CDH18: variants seen among roughly 807,000 people sequenced by gnomAD.
The protein encoded by CDH18 is cadherin 18, also known as cadherin-18.
A neutral mutation model predicts 67.9 loss-of-function variants in CDH18; 31 were observed. The ratio of observed to expected loss-of-function variants is 0.46; its 90% CI spans 0.34 to 0.62. The LOEUF (loss-of-function observed/expected upper bound fraction) is 0.62, where lower values mean the gene tolerates loss of function less well. CDH18 is among the 20% of genes least tolerant of loss of function. The probability of loss-of-function intolerance (pLI) is 0.01; values close to 1 mark genes in which losing one functional copy is unlikely to be tolerated. For missense variants in CDH18, 890 were observed against 975.5 expected, an observed-to-expected ratio of 0.91 and a Z score of 1.17; for synonymous variants, 362 against 347.2, an observed-to-expected ratio of 1.04 and a Z score of -0.48.
At chr5:20,036,609 T>C (rs1004207246) in intron 2 of CDH18, among the ~76,000 whole-genome samples, 14 of 152,062 alleles carry the variant, frequency 9.2e-5, no homozygotes, top group Non-Finnish European at 1.9e-4. Context: ...TAGGGATCCA[T>C]AGTGGTAGGT....
intron 2 of CDH18, among the ~76,000 whole-genome samples, chr5:20,138,968 T>C (rs1019967148): frequency 1.6e-4 from 25 of 152,114 alleles, no homozygotes; most frequent in African/African-American, 5.1e-4. Flanking sequence ...AAAACCACTT[T>C]AAAGTACATA....
chr5:20,289,563 C>T (rs953383607), intron 1 of CDH18, among the ~76,000 whole-genome samples: 2 of 151,980 alleles, frequency 1.3e-5, no homozygotes, highest in African/African-American at 4.8e-5. Context: ...TTGGGACTTT[C>T]TAACCCTAGG....
intron 5 of CDH18, among the ~76,000 whole-genome samples, chr5:19,644,305 G>A (rs1580670358): frequency 6.6e-6 from 1 of 152,094 alleles, no homozygotes; most frequent in Non-Finnish European, 1.5e-5. Flanking sequence ...GGGCTAAAGT[G>A]TGAATTACTT....
At chr5:20,350,922 A>G (rs1039084825) in intron 1 of CDH18, among the ~76,000 whole-genome samples, 3 of 152,082 alleles carry the variant, frequency 2.0e-5, no homozygotes, top group Non-Finnish European at 4.4e-5. Context: ...CAGGTAGAAA[A>G]TAGGCTAATT....
chr5:20,575,699 A>G (rs1179022144), exon 1 of CDH18: 2 of 152,078 alleles, frequency 1.3e-5, no homozygotes, highest in Non-Finnish European at 2.9e-5. Context: ...GGGTACAAGC[A>G]GTCACAGTAG....
At chr5:19,577,023 A>T (rs1742431216) in intron 7 of CDH18, among the ~76,000 whole-genome samples, 1 of 152,174 alleles carries the variant, frequency 6.6e-6, no homozygotes, top group Non-Finnish European at 1.5e-5. Context: ...TCTTAGTTAC[A>T]TATGGAATCT....
chr5:20,376,243 G>A (rs1479929768), intron 1 of CDH18, among the ~76,000 whole-genome samples: 2 of 151,308 alleles, frequency 1.3e-5, no homozygotes, highest in African/African-American at 2.4e-5. Flanking sequence ...ACAGGCGCCC[G>A]CCACCTCGCC....
chr5:20,445,550 A>T (rs915201920), intron 1 of CDH18, among the ~76,000 whole-genome samples: 7 of 152,242 alleles, frequency 4.6e-5, no homozygotes, highest in Admixed American at 1.3e-4. Flanking sequence ...CTCAACTCTG[A>T]ATACAACAGA....
intron 1 of CDH18, among the ~76,000 whole-genome samples, chr5:20,317,706 A>G (rs1168732339): frequency 1.3e-5 from 2 of 152,214 alleles, no homozygotes; most frequent in East Asian, 3.8e-4. Context: ...CTTGGATGAC[A>G]TAACACATTT....
chr5:19,681,012 T>G (rs1760228918), intron 5 of CDH18, among the ~76,000 whole-genome samples: 1 of 151,952 alleles, frequency 6.6e-6, no homozygotes. Context: ...GGAATCAACC[T>G]AAATGTCCAT....
intron 4 of CDH18, among the ~76,000 whole-genome samples, chr5:19,725,865 A>T (rs2150601555): frequency 6.6e-6 from 1 of 152,324 alleles, no homozygotes; most frequent in South Asian, 2.1e-4. Context: ...GAAAGGGAAA[A>T]CTACAGAAAA....
intron 2 of CDH18, among the ~76,000 whole-genome samples, chr5:20,145,629 T>C (rs930900747): frequency 1.3e-5 from 2 of 152,300 alleles, no homozygotes; most frequent in African/African-American, 4.8e-5. Flanking sequence ...CTGGGCACCA[T>C]AGCCTTTCCA....
chr5:20,398,606 C>T (rs1429365855), intron 1 of CDH18, among the ~76,000 whole-genome samples: 1 of 152,138 alleles, frequency 6.6e-6, no homozygotes, highest in East Asian at 1.9e-4. Context: ...ACCACCATGG[C>T]ACATGTATAC....
At chr5:20,270,015 T>C in intron 1 of CDH18, among the ~76,000 whole-genome samples, 1 of 152,220 alleles carries the variant, frequency 6.6e-6, no homozygotes, top group East Asian at 1.9e-4. Context: ...AACTGGATCA[T>C]GAGGAACCAC....
intron 2 of CDH18, among the ~76,000 whole-genome samples, chr5:19,917,110 T>C (rs955748536): frequency 1.3e-5 from 2 of 152,204 alleles, no homozygotes; most frequent in Non-Finnish European, 1.5e-5. Flanking sequence ...AGTTTCATGA[T>C]AGCATATTTT....
At chr5:19,712,190 T>C (rs540775826) in intron 5 of CDH18, among the ~76,000 whole-genome samples, 2 of 152,146 alleles carry the variant, frequency 1.3e-5, no homozygotes, top group East Asian at 1.9e-4. Flanking sequence ...AAATTACTTA[T>C]TGGGTACAAA....
intron 1 of CDH18, among the ~76,000 whole-genome samples, chr5:20,355,451 C>T (rs1741533756): frequency 1.3e-5 from 2 of 152,170 alleles, no homozygotes; most frequent in African/African-American, 2.4e-5. Flanking sequence ...TTTTCTTTTT[C>T]AAGTACAATA....
At chr5:20,018,445 A>T (rs1292640319) in intron 2 of CDH18, among the ~76,000 whole-genome samples, 1 of 152,224 alleles carries the variant, frequency 6.6e-6, no homozygotes, top group Non-Finnish European at 1.5e-5. Context: ...GTGAAGCATT[A>T]CCACTTAGAG....
intron 1 of CDH18, among the ~76,000 whole-genome samples, chr5:20,311,869 CAAAA>C (rs552338560): frequency 1.9e-3 from 290 of 152,074 alleles, no homozygotes; most frequent in African/African-American, 6.4e-3. Context: ...TTTGAAAAAA[CAAAA>C]AAGCCTTTCA....
Sources: gnomAD v4.1 joint callset for allele counts (sites outside exome capture counted in the v4.1 genomes callset) on GRCh38, gnomAD v4.1.1 for gene constraint, MANE v1.5 for transcripts, NCBI Gene and HGNC (gene_info 2026-07-23, HGNC 2026-07-21) for gene names.